Variants in PRKG2 observed in about 807,000 individuals in gnomAD.
The protein encoded by PRKG2 is protein kinase cGMP-dependent 2, also known as cGMP-dependent protein kinase 2.
A neutral mutation model predicts 97.2 loss-of-function variants in PRKG2; 33 were observed. That is an observed-to-expected ratio of 0.34 (90% confidence interval 0.26 to 0.45). The LOEUF (loss-of-function observed/expected upper bound fraction) is 0.45. Among genes scored for constraint, PRKG2 ranks in the 20% least tolerant of loss-of-function variants. The pLI is 1.00. For synonymous variants in PRKG2, 330 were observed against 321.8 expected, an observed-to-expected ratio of 1.03 and a Z score of -0.27; for missense variants, 638 against 900.0, an observed-to-expected ratio of 0.71 and a Z score of 3.73.
chr4:81,188,745 C>A (rs1446950611), intron 2 of PRKG2, among the ~76,000 whole-genome samples: 4 of 112,668 alleles, frequency 3.6e-5, no homozygotes, highest in South Asian at 3.0e-4. Context: ...AAATTGGAAA[C>A]CATCATTCTC....
chr4:81,110,403 G>T (rs746456957), intron 15 of PRKG2, 45 bp downstream of exon 15: 2 of 1,562,262 alleles, frequency 1.3e-6, no homozygotes, highest in Non-Finnish European at 1.7e-6. Context: ...GGTTATTTTT[G>T]CATTTCTCTG....
At chr4:81,103,636 T>A (rs938919169) in intron 17 of PRKG2, among the ~76,000 whole-genome samples, 6 of 152,208 alleles carry the variant, frequency 3.9e-5, no homozygotes, top group African/African-American at 1.2e-4. Flanking sequence ...TATCTTCTTT[T>A]ACTTACAAGT....
chr4:81,153,569 C>A, intron 7 of PRKG2, 75 bp downstream of exon 7: 1 of 1,206,756 alleles, frequency 8.3e-7, no homozygotes, highest in East Asian at 2.5e-5. Flanking sequence ...TGTTGCAATG[C>A]AAAGCATAGT....
At chr4:81,162,130 A>T (rs1749632158) in intron 6 of PRKG2, among the ~76,000 whole-genome samples, 1 of 152,246 alleles carries the variant, frequency 6.6e-6, no homozygotes, top group South Asian at 2.1e-4. Flanking sequence ...TAAAATTAAG[A>T]TTATATTTAC....
intron 6 of PRKG2, 64 bp downstream of exon 6, chr4:81,167,097 T>A: frequency 9.1e-7 from 1 of 1,100,634 alleles, no homozygotes; most frequent in Non-Finnish European, 1.3e-6. Context: ...TTTATGGTGT[T>A]AATAATATAA....
At chr4:81,121,713 C>G (rs1327080010) in intron 14 of PRKG2, among the ~76,000 whole-genome samples, 1 of 151,984 alleles carries the variant, frequency 6.6e-6, no homozygotes, top group Non-Finnish European at 1.5e-5. Flanking sequence ...TAATTTATAT[C>G]TTCACTCTTT....
intron 10 of PRKG2, 38 bp downstream of exon 10, chr4:81,144,194 A>G: frequency 6.5e-7 from 1 of 1,542,186 alleles, no homozygotes; most frequent in African/African-American, 1.4e-5. Context: ...TGGCTGCCAG[A>G]AGTCAGCTCC....
At chr4:81,190,516 C>A (rs112020821) in intron 2 of PRKG2, among the ~76,000 whole-genome samples, 4 of 152,246 alleles carry the variant, frequency 2.6e-5, no homozygotes, top group African/African-American at 9.6e-5. Flanking sequence ...CCATTCAGGA[C>A]ATAGGCATGG....
intron 14 of PRKG2, among the ~76,000 whole-genome samples, chr4:81,124,364 CACT>C (rs1745350785): frequency 6.6e-6 from 1 of 152,114 alleles, no homozygotes; most frequent in Non-Finnish European, 1.5e-5. Context: ...TTTGTACTTT[CACT>C]ACTACAATAG....
chr4:81,116,506 T>C (rs1054506851), intron 14 of PRKG2, among the ~76,000 whole-genome samples: 7 of 152,310 alleles, frequency 4.6e-5, no homozygotes, highest in African/African-American at 1.2e-4. Context: ...TGTGTCTTTA[T>C]GGTAGAATGA....
intron 2 of PRKG2, among the ~76,000 whole-genome samples, chr4:81,177,741 G>A (rs1352703805): frequency 2.0e-5 from 3 of 152,014 alleles, no homozygotes; most frequent in Non-Finnish European, 2.9e-5. Flanking sequence ...CTACAACTAT[G>A]ACAGACCAGC....
intron 1 of PRKG2, among the ~76,000 whole-genome samples, chr4:81,206,023 T>C (rs896518449): frequency 6.6e-6 from 1 of 152,206 alleles, no homozygotes; most frequent in Admixed American, 6.5e-5. Flanking sequence ...GATCTCATTG[T>C]TATTATTGCT....
chr4:81,114,880 A>C (rs1189631204), intron 14 of PRKG2, among the ~76,000 whole-genome samples: 1 of 152,044 alleles, frequency 6.6e-6, no homozygotes, highest in Non-Finnish European at 1.5e-5. Context: ...AGTTTTTTTA[A>C]ATTTTAGATA....
Position 81,165,471 on chromosome 4 carries a change from T to C in PRKG2, c.912+1690A>G, listed in dbSNP as rs907380911. 5.2e-4 allele frequency among the ~76,000 whole-genome samples: 79 copies of C among 152,182 alleles called. 3 individuals carry two copies. The highest frequency in any genetic ancestry group is 2.1e-4 in the South Asian group (1 of 4,834). On this transcript the variant is annotated intron_variant, in intron 6 of 18. Transcript: ENST00000264399. ...GACACTGTCAAAAATGATGCAGTAG[T>C]GATTGGCTGTTGTCAGGACCAAGTT...
At chr4:81,160,779 G>A (rs1177414449) in intron 6 of PRKG2, among the ~76,000 whole-genome samples, 1 of 151,908 alleles carries the variant, frequency 6.6e-6, no homozygotes, top group African/African-American at 2.4e-5. Flanking sequence ...TGTTTCTCTT[G>A]TAAATATTTA....
intron 6 of PRKG2, among the ~76,000 whole-genome samples, chr4:81,157,902 A>G (rs1421913717): frequency 2.0e-5 from 3 of 147,052 alleles, no homozygotes; most frequent in Non-Finnish European, 2.9e-5. Flanking sequence ...AAAACTCTCA[A>G]TAAATTAGGT....
chr4:81,110,471 T>C lies in PRKG2; in HGVS notation c.1917A>G (p.Leu639=), dbSNP rs750838301. The C allele has an allele frequency of 1.2e-5, 20 of 1,613,564 alleles. No homozygotes were observed. The East Asian group carries it at 2.0e-4, about 16-fold the overall frequency. The change falls in exon 15 of 19, where the codon CTA becomes CTG. Residue 639 remains leucine (L), a synonymous_variant. Coordinates refer to ENST00000264399, the MANE Select transcript of PRKG2 (RefSeq NM_006259.3). ...ACTTGCCCGTTAGGAGCTCATACACTAGAATTCCCAGTGACCAGAAATCCA... is the reference window on the plus strand; with the variant it reads ...ACTTGCCCGTTAGGAGCTCATACACCAGAATTCCCAGTGACCAGAAATCCA... The part of the protein sequence containing the change: ...FSVDFWSLGI[L]VYELLTGNPP...
At chr4:81,129,125 T>C (rs1745898285) in intron 14 of PRKG2, among the ~76,000 whole-genome samples, 2 of 152,222 alleles carry the variant, frequency 1.3e-5, no homozygotes, top group African/African-American at 2.4e-5. Flanking sequence ...TTGTGCAGTT[T>C]TGAGTGAGTT....
intron 14 of PRKG2, among the ~76,000 whole-genome samples, chr4:81,123,526 T>C (rs1745267972): frequency 6.6e-6 from 1 of 152,168 alleles, no homozygotes. Context: ...TGCCTCAGCC[T>C]CCCAAGGAGC....
Sources: gnomAD v4.1 joint callset for allele counts (sites outside exome capture counted in the v4.1 genomes callset) on GRCh38, gnomAD v4.1.1 for gene constraint, MANE v1.5 for transcripts, NCBI Gene and HGNC (gene_info 2026-07-23, HGNC 2026-07-21) for gene names.